Variants in DDX60 observed in about 807,000 individuals in gnomAD.
The protein encoded by DDX60 is DExD/H-box helicase 60, also known as probable ATP-dependent RNA helicase DDX60.
DDX60 carries 165 observed loss-of-function variants against 212.8 expected under a neutral mutation model. The observed-to-expected ratio is 0.78, with a 90% CI of 0.68 to 0.88. The LOEUF (loss-of-function observed/expected upper bound fraction) is 0.88, where lower values mean the gene tolerates loss of function less well. DDX60 is among the 40% of genes least tolerant of loss of function. The probability of loss-of-function intolerance (pLI) is 0.00; values close to 1 mark genes in which losing one functional copy is unlikely to be tolerated. For missense variants in DDX60, 1,905 were observed against 2,003.9 expected (o/e 0.95, Z 0.94); for synonymous variants, 703 against 685.3 (o/e 1.03, Z -0.40).
intron 4 of DDX60, 62 bp downstream of exon 4, chr4:168,307,944 T>C: frequency 5.0e-6 from 5 of 995,374 alleles, no homozygotes. Context: ...ATATATATAA[T>C]AATTTAGGAA....
intron 37 of DDX60, among the ~76,000 whole-genome samples, chr4:168,220,357 C>T (rs752911562): frequency 6.6e-6 from 1 of 152,116 alleles, no homozygotes; most frequent in Non-Finnish European, 1.5e-5. Context: ...ATACCAGGAT[C>T]GAGGAGTCAA....
At position 168,237,731 on chromosome 4, in the gene DDX60, T is replaced by G. The variant is rs761427207; in HGVS notation, c.4229A>C (p.Lys1410Thr). The change falls in exon 31 of 38, where the codon AAA (lysine) becomes ACA (threonine). Residue 1410 changes from lysine to threonine, a missense_variant. By Grantham distance (78) the Lys-to-Thr change is moderately conservative. Transcript: ENST00000393743. The part of the protein sequence containing the change: ...FKQPRVMDML[K>T]LYFLFSLQFL... Reference sequence around the variant, plus strand: ...CTGCAAAGAAAACAGGAAGTAAAGTTTTAACATGTCCATGACTCTGGGTTG... The same window carrying G: ...CTGCAAAGAAAACAGGAAGTAAAGTGTTAACATGTCCATGACTCTGGGTTG... 1 of 1,612,034 alleles carries G rather than the reference T, an allele frequency of 6.2e-7. No homozygotes were observed. The highest frequency in any genetic ancestry group is 8.5e-7 in the Non-Finnish European group (1 of 1,178,972).
chr4:168,294,181 T>C (rs879362470), intron 6 of DDX60, among the ~76,000 whole-genome samples: 6 of 152,014 alleles, frequency 3.9e-5, no homozygotes, highest in Admixed American at 2.0e-4. Flanking sequence ...CCTGTGTACA[T>C]AGAATAAAAG....
At chr4:168,309,795 T>G (rs2149552838) in intron 3 of DDX60, among the ~76,000 whole-genome samples, 1 of 147,936 alleles carries the variant, frequency 6.8e-6, no homozygotes, top group East Asian at 1.9e-4. Context: ...TGAATAGGTT[T>G]TTAATGCAAA....
At chr4:168,256,548 A>G (rs1224045415) in intron 25 of DDX60, among the ~76,000 whole-genome samples, 1 of 152,208 alleles carries the variant, frequency 6.6e-6, no homozygotes, top group African/African-American at 2.4e-5. Context: ...ATTGCTAGAC[A>G]TTTATAGACA....
intron 33 of DDX60, among the ~76,000 whole-genome samples, chr4:168,226,071 T>G (rs1431414018): frequency 1.3e-5 from 2 of 152,078 alleles, no homozygotes; most frequent in Non-Finnish European, 2.9e-5. Context: ...TTTTGAGGGT[T>G]TTTTAAACCT....
intron 6 of DDX60, among the ~76,000 whole-genome samples, chr4:168,297,372 AAGAAAG>A (rs1736436731): frequency 1.9e-5 from 1 of 53,008 alleles, no homozygotes; most frequent in Non-Finnish European, 3.6e-5. Context: ...GAAAGAAAGA[AAGAAAG>A]AAAGAGAAAG....
At chr4:168,298,082 C>A (rs1168424991) in intron 6 of DDX60, among the ~76,000 whole-genome samples, 1 of 151,686 alleles carries the variant, frequency 6.6e-6, no homozygotes, top group African/African-American at 2.4e-5. Flanking sequence ...TGAGATTATT[C>A]TTTTTATAAA....
Position 168,275,400 on chromosome 4 carries a change from T to C in DDX60, c.2249A>G (p.Asp750Gly). 3.7e-6 allele frequency: 6 copies of C among 1,613,086 alleles called. No individual in the cohort carries two copies. The highest frequency in any genetic ancestry group is 4.5e-5 in the East Asian group (2 of 44,856). ...LQYMGHYLIR[D>G]ERKDPDPRVQ... ...CCTGGGATCTGGGTCTTTTCTCTCA[T>C]CTCGTATCAAATAATGGCCCATGTA... The change falls in exon 16 of 38, where the codon GAT (aspartate) becomes GGT (glycine). Residue 750 changes from aspartate (D) to glycine (G), a missense_variant. By Grantham distance (94) the Asp-to-Gly change is moderately conservative (BLOSUM62 -1). Coordinates refer to ENST00000393743, the MANE Select transcript of DDX60 (RefSeq NM_017631.6).
At chr4:168,253,031 C>T (rs1217493923) in intron 26 of DDX60, among the ~76,000 whole-genome samples, 3 of 152,154 alleles carry the variant, frequency 2.0e-5, no homozygotes, top group Non-Finnish European at 4.4e-5. Context: ...TCTTGAACTC[C>T]TGACCTCGTG....
Position 168,262,128 on chromosome 4 carries a change from C to T in DDX60, c.3145G>A (p.Glu1049Lys), listed in dbSNP as rs1231674282. 6.4e-7 allele frequency: 1 copy of T among 1,571,012 alleles called. No homozygotes were observed. The highest frequency in any genetic ancestry group is 8.6e-7 in the Non-Finnish European group (1 of 1,167,442). Residue 1049 changes from glutamate to lysine, a missense_variant and splice_region_variant, in exon 24 of 38, where the codon GAA (glutamate) becomes AAA (lysine). Physicochemically the swap from Glu to Lys is moderately conservative, Grantham distance 56. Transcript: ENST00000393743. ...QIWKSWPRAQ[E>K]LCPENFIHFN... ...TGAATGAAGTTTTCTGGGCACAGTT[C>T]CTTGAAAACAAATATTACAAAATTA...
At chr4:168,315,702 T>C (rs571662522) in intron 1 of DDX60, among the ~76,000 whole-genome samples, 95 of 152,338 alleles carry the variant, frequency 6.2e-4, no homozygotes, top group African/African-American at 2.2e-3. Context: ...CTGTGTTAGT[T>C]TGCTGAGAAT....
At chr4:168,254,585 A>G (rs891929093) in intron 26 of DDX60, among the ~76,000 whole-genome samples, 1 of 152,248 alleles carries the variant, frequency 6.6e-6, no homozygotes, top group African/African-American at 2.4e-5. Context: ...ACACAAGAAG[A>G]AAAATACACG....
Position 168,268,761 on chromosome 4 carries a change from A to T in DDX60, c.2786+93T>A, listed in dbSNP as rs557912401. 4.4e-6 allele frequency: 3 copies of T among 679,152 alleles called. No individual in the cohort carries two copies. The East Asian group carries it at 8.5e-5, about 19-fold the overall frequency. 42.1% of individuals were successfully genotyped at this position (679,152 alleles called of 1,614,324 possible). The stretch of plus-strand genomic sequence containing the variant: ...AATAAACTATTAAATTCACTAGAAA[A>T]TTATGAAACTCCTCAGAATCCACAG... On this transcript the variant is annotated intron_variant, in intron 20 of 37. Transcript: ENST00000393743.
chr4:168,238,236 CAAA>C (rs57638327), intron 30 of DDX60, among the ~76,000 whole-genome samples: 44 of 80,890 alleles, frequency 5.4e-4, no homozygotes, highest in East Asian at 1.1e-3. Flanking sequence ...TATGAAATTC[CAAA>C]AAAAAAAAAA....
At chr4:168,296,275 T>C (rs887675456) in intron 6 of DDX60, among the ~76,000 whole-genome samples, 4 of 152,110 alleles carry the variant, frequency 2.6e-5, no homozygotes, top group African/African-American at 4.8e-5. Context: ...TTATGATGTG[T>C]CAATCAAAAA....
intron 9 of DDX60, 89 bp downstream of exon 9, chr4:168,288,085 G>A: frequency 1.2e-6 from 1 of 854,430 alleles, no homozygotes; most frequent in East Asian, 3.0e-5. Flanking sequence ...TTATATGTTG[G>A]AAGTACAGAA....
At chr4:168,261,609 G>T (rs1309646827) in intron 24 of DDX60, among the ~76,000 whole-genome samples, 2 of 152,094 alleles carry the variant, frequency 1.3e-5, no homozygotes, top group African/African-American at 2.4e-5. Flanking sequence ...CTTGAAATAA[G>T]AAGAAGAAAA....
chr4:168,299,381 G>A (rs1281448694), intron 6 of DDX60, among the ~76,000 whole-genome samples: 2 of 150,488 alleles, frequency 1.3e-5, no homozygotes, highest in Non-Finnish European at 3.0e-5. Flanking sequence ...AAAAATAAAC[G>A]AATTTTAAAA....
Sources: gnomAD v4.1 joint callset for allele counts (sites outside exome capture counted in the v4.1 genomes callset) on GRCh38, gnomAD v4.1.1 for gene constraint, MANE v1.5 for transcripts, NCBI Gene and HGNC (gene_info 2026-07-23, HGNC 2026-07-21) for gene names.